SDK1: variants seen among roughly 807,000 people sequenced by gnomAD.
SDK1 encodes sidekick cell adhesion molecule 1.
In SDK1, 157 loss-of-function variants were observed where a neutral mutation model predicts 245.5. The observed-to-expected ratio is 0.64, with a 90% confidence interval of 0.56 to 0.73. The LOEUF (loss-of-function observed/expected upper bound fraction) is 0.73. Ranked by LOEUF, SDK1 falls within the 30% of genes least tolerant of loss-of-function variation. SDK1 has a pLI of 0.00. For synonymous variants in SDK1, 1,647 were observed against 1,278.5 expected (o/e 1.29, Z -6.15); for missense variants, 3,583 against 3,002.3 (o/e 1.19, Z -4.52).
intron 4 of SDK1, among the ~76,000 whole-genome samples, chr7:3,773,755 G>C (rs1289163449): frequency 1.3e-5 from 2 of 152,106 alleles, no homozygotes; most frequent in African/African-American, 4.8e-5. Context: ...ATCAGCCTAA[G>C]GTGTATACTT....
intron 30 of SDK1, among the ~76,000 whole-genome samples, chr7:4,155,857 G>C (rs1333072067): frequency 6.6e-6 from 1 of 152,120 alleles, no homozygotes; most frequent in Non-Finnish European, 1.5e-5. Flanking sequence ...TGTGGATGTT[G>C]AGTCTTGTAA....
At chr7:4,227,908 G>A (rs1353098734) in intron 40 of SDK1, among the ~76,000 whole-genome samples, 2 of 152,258 alleles carry the variant, frequency 1.3e-5, no homozygotes, top group Non-Finnish European at 2.9e-5. Flanking sequence ...GGCACCAGAA[G>A]CTAACAGCTG....
chr7:3,518,770 G>A (rs1386182511), intron 1 of SDK1, among the ~76,000 whole-genome samples: 1 of 151,966 alleles, frequency 6.6e-6, no homozygotes, highest in African/African-American at 2.4e-5. Flanking sequence ...CAGAGTGGAA[G>A]CTCCTCCAGC....
chr7:3,821,236 C>G (rs1053852686), intron 4 of SDK1, among the ~76,000 whole-genome samples: 3 of 145,368 alleles, frequency 2.1e-5, no homozygotes, highest in Admixed American at 2.0e-4. Flanking sequence ...ACCCGGTAGG[C>G]TCAGACACTG....
chr7:3,314,108 G>A (rs1391222117), intron 1 of SDK1, among the ~76,000 whole-genome samples: 1 of 152,144 alleles, frequency 6.6e-6, no homozygotes, highest in Non-Finnish European at 1.5e-5. Context: ...AGCCCTTTAA[G>A]CCATACAGGG....
intron 4 of SDK1, among the ~76,000 whole-genome samples, chr7:3,730,229 C>T (rs1301391997): frequency 6.6e-6 from 1 of 152,168 alleles, no homozygotes; most frequent in African/African-American, 2.4e-5. Context: ...AAGGGCATCT[C>T]AGCCTCACAT....
rs962593644 is a variant in SDK1, at chr7:3,821,442, T to A, written c.714-8T>A. ...GCTTTGACACTGTCCTCTTCTTTTC[T>A]GAAACAGAGCCATCACATTGGAGAA... On this transcript the variant is annotated splice_region_variant and splice_polypyrimidine_tract_variant and intron_variant, in intron 4 of 44. Transcript: ENST00000404826. 6.8e-6 allele frequency: 11 copies of A among 1,611,774 alleles called. No homozygotes were observed. The highest frequency in any genetic ancestry group is 6.7e-5 in the Admixed American group (4 of 59,588).
chr7:4,236,561 C>T (rs1010514810), intron 41 of SDK1, among the ~76,000 whole-genome samples: 2 of 152,160 alleles, frequency 1.3e-5, no homozygotes, highest in East Asian at 1.9e-4. Context: ...ACACACAGTG[C>T]GTGTTTGCGG....
chr7:4,221,144 C>T (rs959402039), intron 39 of SDK1, 95 bp from the exon 40 acceptor site: 10 of 1,467,158 alleles, frequency 6.8e-6, no homozygotes, highest in African/African-American at 1.4e-5. Flanking sequence ...TCTGCAGCCT[C>T]GACCGGTCTG....
chr7:4,268,130 T>C lies in SDK1; in HGVS notation c.*2746T>C, dbSNP rs949385415. On this transcript the variant is annotated 3_prime_UTR_variant, in exon 45 of 45. Transcript: ENST00000404826. ...CCGCTCTCTCCTGCCGTGCTGAAAG[T>C]CATGCCTTGCGGATGCCTCATGACA... The C allele has an allele frequency of 1.3e-5, 13 of 985,814 alleles. No individual in the cohort carries two copies. The highest frequency in any genetic ancestry group is 1.6e-5 in the Non-Finnish European group (13 of 830,282). The allele number at this position is 985,814 out of a possible 1,614,324, so 61.1% of individuals were successfully genotyped here.
chr7:3,394,120 C>T (rs540452068), intron 1 of SDK1, among the ~76,000 whole-genome samples: 7 of 151,856 alleles, frequency 4.6e-5, no homozygotes, highest in Admixed American at 6.5e-5. Flanking sequence ...TCCAGAAGAA[C>T]TCTCTGGATT....
chr7:3,716,811 A>T (rs749833756), intron 4 of SDK1, among the ~76,000 whole-genome samples: 1 of 152,040 alleles, frequency 6.6e-6, no homozygotes, highest in Non-Finnish European at 1.5e-5. Context: ...ACTAAGGAAA[A>T]ATCAGATAAT....
intron 4 of SDK1, among the ~76,000 whole-genome samples, chr7:3,788,737 G>A (rs1256688060): frequency 6.6e-6 from 1 of 152,196 alleles, no homozygotes; most frequent in Non-Finnish European, 1.5e-5. Flanking sequence ...GCAGTCCGCG[G>A]GTTGGGCAAG....
intron 1 of SDK1, among the ~76,000 whole-genome samples, chr7:3,460,442 T>G (rs1460061265): frequency 6.6e-6 from 1 of 152,218 alleles, no homozygotes; most frequent in African/African-American, 2.4e-5. Context: ...CTTTGGTTAT[T>G]TGACAACTCA....
At chr7:3,727,252 T>G (rs1779038266) in intron 4 of SDK1, among the ~76,000 whole-genome samples, 1 of 152,250 alleles carries the variant, frequency 6.6e-6, no homozygotes, top group Non-Finnish European at 1.5e-5. Context: ...AAAACAACCT[T>G]GTTGCCATGT....
At chr7:4,081,501 G>C (rs548319904) in intron 22 of SDK1, among the ~76,000 whole-genome samples, 2 of 143,644 alleles carry the variant, frequency 1.4e-5, no homozygotes, top group Non-Finnish European at 3.0e-5. Context: ...CTCACTGCAA[G>C]CTCTTCCTCC....
intron 4 of SDK1, among the ~76,000 whole-genome samples, chr7:3,764,980 A>G (rs1461198488): frequency 6.6e-6 from 1 of 152,160 alleles, no homozygotes; most frequent in Non-Finnish European, 1.5e-5. Context: ...GTCATTTTTA[A>G]TGAATTATGA....
At chr7:3,305,379 T>G (rs1779390421) in intron 1 of SDK1, among the ~76,000 whole-genome samples, 1 of 152,214 alleles carries the variant, frequency 6.6e-6, no homozygotes, top group South Asian at 2.1e-4. Context: ...ATAATGTCAC[T>G]CAATTTCTCT....
At position 3,723,887 on chromosome 7, in the gene SDK1, T is replaced by C. The variant is rs948766885; in HGVS notation, c.713+81782T>C. Among the ~76,000 whole-genome samples, 52 of 132,386 alleles carry C rather than the reference T, an allele frequency of 3.9e-4. 1 individual carries two copies. Among genetic ancestry groups the C allele is most frequent in the Non-Finnish European group, 6.1e-4 (38 of 62,442 alleles). The allele number at this position is 132,386 out of a possible 152,430, so 86.9% of individuals were successfully genotyped here. On this transcript the variant is annotated intron_variant, in intron 4 of 44. Transcript: ENST00000404826. The stretch of plus-strand genomic sequence containing the variant: ...ACGTGTATATACACGTACATATATA[T>C]ATACACGTGTATATACACGTACATA...
Sources: allele counts gnomAD v4.1 joint callset (sites outside exome capture counted in the v4.1 genomes callset), GRCh38; gene constraint gnomAD v4.1.1; transcripts MANE v1.5; gene names NCBI Gene and HGNC (gene_info 2026-07-23, HGNC 2026-07-21).